The following POLR2F variants were observed in gnomAD, a reference collection of about 807,000 sequenced individuals.
The protein encoded by POLR2F is DNA-directed RNA polymerases I, II, and III subunit RPABC2.
Under a neutral mutation model 22.7 loss-of-function variants are expected in POLR2F, and 12 were observed. The observed-to-expected ratio is 0.53, with a 90% CI of 0.34 to 0.86. POLR2F has a LOEUF of 0.86. Ranked by LOEUF, POLR2F falls within the 40% of genes least tolerant of loss-of-function variation. The pLI is 0.02. For missense variants in POLR2F, 126 were observed against 171.5 expected, an observed-to-expected ratio of 0.73 and a Z score of 1.48; for synonymous variants, 57 against 66.0, an observed-to-expected ratio of 0.86 and a Z score of 0.66.
chr22:37,966,585 C>T (rs898265996), intron 3 of POLR2F, among the ~76,000 whole-genome samples: 8 of 152,040 alleles, frequency 5.3e-5, no homozygotes, highest in African/African-American at 1.7e-4. Context: ...CCAGCCTGGG[C>T]AACATGGCGA....
downstream of POLR2F, among the ~76,000 whole-genome samples, chr22:38,031,128 C>T (rs2085060629): frequency 6.6e-6 from 1 of 152,084 alleles, no homozygotes; most frequent in African/African-American, 2.4e-5. The surrounding 1 kb of genome is among the most constrained non-coding windows in gnomAD (Gnocchi z 4.1). Context: ...ACTACTCTGT[C>T]AGGCCTCAGC....
chr22:37,984,806 A>G (rs961725678), upstream of POLR2F, among the ~76,000 whole-genome samples: 1 of 152,100 alleles, frequency 6.6e-6, no homozygotes, highest in Non-Finnish European at 1.5e-5. The surrounding 1 kb of genome is among the most constrained non-coding windows in gnomAD (Gnocchi z 4.4). Flanking sequence ...GAAGAGATGT[A>G]GGCTGGAGGG....
At position 37,997,835 on chromosome 22, in the gene POLR2F, G is replaced by A. The variant is rs893085119; in HGVS notation, c.120+11523G>A. Among the ~76,000 whole-genome samples the A allele has an allele frequency of 1.3e-5, 2 of 152,178 alleles. No individual in the cohort carries two copies. Among genetic ancestry groups the A allele is most frequent in the Non-Finnish European group, 2.9e-5 (2 of 68,016 alleles). ...GAGCCCACAGCTCACCGTCTGTCGAGGGGGGACAGGCAGGAGGTAAGGATG... is the reference window on the plus strand; with the variant it reads ...GAGCCCACAGCTCACCGTCTGTCGAAGGGGGACAGGCAGGAGGTAAGGATG... On this transcript the variant is annotated intron_variant, in intron 1 of 2. Coordinates refer to the POLR2F transcript ENST00000333418. The surrounding 1 kb of genome is among the most constrained non-coding windows in gnomAD (Gnocchi z 4.4).
At chr22:38,026,599 C>T (rs2085012756) in exon 3 of POLR2F, 1 of 298,300 alleles carries the variant, frequency 3.4e-6, no homozygotes, top group Non-Finnish European at 6.7e-6. Flanking sequence ...TCCCCCGGCT[C>T]CCTGGAACTT....
chr22:38,017,520 G>C lies in POLR2F; in HGVS notation c.121-8349G>C, dbSNP rs905575596. On this transcript the variant is annotated intron_variant, in intron 1 of 2. Coordinates refer to the POLR2F transcript ENST00000333418. This position sits in a 1 kb window ranked among gnomAD's most constrained non-coding sequence, Gnocchi z 4.1. The stretch of plus-strand genomic sequence containing the variant: ...GGCCTGTGGGTGTCTCCCTCTTCAG[G>C]TAATGGGCTGTAGGGTCCTTCCAGA... 3.3e-5 allele frequency among the ~76,000 whole-genome samples: 5 copies of C among 152,266 alleles called. No individual in the cohort carries two copies. The highest frequency in any genetic ancestry group is 1.2e-4 in the African/African-American group (5 of 41,568).
chr22:38,033,637 G>C (rs1031720563), intron 5 of POLR2F, among the ~76,000 whole-genome samples: 1 of 152,260 alleles, frequency 6.6e-6, no homozygotes, highest in Non-Finnish European at 1.5e-5. Flanking sequence ...ATGGGATCTG[G>C]CCCCGGCGGA....
upstream of POLR2F, among the ~76,000 whole-genome samples, chr22:37,981,580 A>G (rs899970015): frequency 6.6e-5 from 10 of 152,066 alleles, no homozygotes; most frequent in African/African-American, 2.2e-4. Flanking sequence ...GCAATGGGAG[A>G]TGGAGGGAAA....
At chr22:38,010,372 C>CA (rs149542224) in intron 1 of POLR2F, among the ~76,000 whole-genome samples, 3,611 of 135,726 alleles carry the variant, frequency 0.027, 152 homozygotes, top group African/African-American at 0.09. Flanking sequence ...AAGGCCTTGT[C>CA]AAAAAAAAAA....
rs139637312 is a variant in POLR2F at position 37,992,540 on chromosome 22, G to A, written c.120+6228G>A. 3.7e-3 allele frequency among the ~76,000 whole-genome samples: 558 copies of A among 152,180 alleles called. 4 individuals are homozygous for A. Among genetic ancestry groups the A allele is most frequent in the African/African-American group, 0.012 (503 of 41,508 alleles). ...CTCCCGACTAGCTGGGATTACAAGTGCACATCGCCATGCTTTGCTAATTTT... is the reference window on the plus strand; with the variant it reads ...CTCCCGACTAGCTGGGATTACAAGTACACATCGCCATGCTTTGCTAATTTT... On this transcript the variant is annotated intron_variant, in intron 1 of 2. Transcript: ENST00000333418.
At chr22:37,993,954 A>G (rs1462353445) in intron 1 of POLR2F, among the ~76,000 whole-genome samples, 1 of 152,190 alleles carries the variant, frequency 6.6e-6, no homozygotes, top group Non-Finnish European at 1.5e-5. Flanking sequence ...GCGCCACTGC[A>G]CTCCAGCCTG....
rs1322169133 is a variant in POLR2F at position 37,986,598 on chromosome 22, G to A, written c.120+286G>A. 4.3e-6 allele frequency: 3 copies of A among 701,116 alleles called. No homozygotes were observed. The highest frequency in any genetic ancestry group is 1.5e-5 in the South Asian group (1 of 66,880). 43.4% of individuals were successfully genotyped at this position (701,116 alleles called of 1,614,324 possible). ...CAGGAAGCCACGCTAGACAGAAGGG[G>A]CCACTCCCTCTCTCTCTCCCTTGTC... On this transcript the variant is annotated intron_variant, in intron 1 of 2. Transcript: ENST00000333418. This position sits in a 1 kb window ranked among gnomAD's most constrained non-coding sequence, Gnocchi z 4.7.
upstream of POLR2F, among the ~76,000 whole-genome samples, chr22:37,981,272 T>C (rs1193546057): frequency 6.6e-6 from 1 of 152,198 alleles, no homozygotes; most frequent in Non-Finnish European, 1.5e-5. Context: ...CTGGAGCAAT[T>C]GGCCAGCCCA....
At chr22:37,954,464 T>C (rs1931280180) in intron 1 of POLR2F, among the ~76,000 whole-genome samples, 1 of 152,116 alleles carries the variant, frequency 6.6e-6, no homozygotes, top group African/African-American at 2.4e-5. Context: ...CACCACGCCT[T>C]GCTAATTGCT....
downstream of POLR2F, chr22:37,971,438 G>A: frequency 2.5e-6 from 1 of 395,394 alleles, no homozygotes; most frequent in South Asian, 1.9e-5. Flanking sequence ...AACCATCGGA[G>A]TTGTTCATCA....
chr22:38,037,190 C>T (rs1216700450), intron 5 of POLR2F, among the ~76,000 whole-genome samples: 1 of 152,176 alleles, frequency 6.6e-6, no homozygotes, highest in Non-Finnish European at 1.5e-5. Context: ...GGCCACTGCT[C>T]AATCAGTGTT....
In POLR2F at chr22:38,017,626, C is replaced by T. The variant is rs1003236233; in HGVS notation, c.121-8243C>T. On this transcript the variant is annotated intron_variant, in intron 1 of 2. Transcript: ENST00000333418. The surrounding 1 kb of genome is among the most constrained non-coding windows in gnomAD (Gnocchi z 4.1). ...AGCACCTGAATGGGTCATGCAGTCC[C>T]GTCAGCATCTCAGGGCTGGAGGGGC... 1.2e-4 allele frequency among the ~76,000 whole-genome samples: 19 copies of T among 152,296 alleles called. No homozygotes were observed. The highest frequency in any genetic ancestry group is 2.4e-4 in the Non-Finnish European group (16 of 68,012).
downstream of POLR2F, among the ~76,000 whole-genome samples, chr22:38,030,698 T>C (rs546504401): frequency 6.6e-6 from 1 of 152,292 alleles, no homozygotes; most frequent in South Asian, 2.1e-4. Flanking sequence ...CACTGGGTGA[T>C]TCAGGCACAT....
At position 37,998,952 on chromosome 22, in the gene POLR2F, C is replaced by T. The variant is rs3026658; in HGVS notation, c.120+12640C>T. 9.9e-3 allele frequency among the ~76,000 whole-genome samples: 1,500 copies of T among 152,026 alleles called. 28 individuals carry two copies. The highest frequency in any genetic ancestry group is 0.035 in the African/African-American group (1,449 of 41,414). Reference sequence around the variant, plus strand: ...AGCCCGCCCTGGTAGGAGGACCCGCCGCCCCAAGATGGGTCCTGCTTTTCA... The same window carrying T: ...AGCCCGCCCTGGTAGGAGGACCCGCTGCCCCAAGATGGGTCCTGCTTTTCA... On this transcript the variant is annotated intron_variant, in intron 1 of 2. Coordinates refer to the POLR2F transcript ENST00000333418.
intron 5 of POLR2F, among the ~76,000 whole-genome samples, chr22:38,037,565 TC>T (rs1397723407): frequency 6.6e-6 from 1 of 151,080 alleles, no homozygotes; most frequent in African/African-American, 2.4e-5. Flanking sequence ...GTGAGCCACT[TC>T]CTGGCCAATG....
Sources: allele counts gnomAD v4.1 joint callset (sites outside exome capture counted in the v4.1 genomes callset), GRCh38; gene constraint gnomAD v4.1.1; non-coding constraint Gnocchi (gnomAD v3.1); transcripts MANE v1.5; gene names NCBI Gene and HGNC (gene_info 2026-07-23, HGNC 2026-07-21).